PIEZO2: variants seen among roughly 807,000 people sequenced by gnomAD.
PIEZO2 encodes piezo-type mechanosensitive ion channel component 2.
PIEZO2 carries 172 observed loss-of-function variants against 337.3 expected under a neutral mutation model. That is an observed-to-expected ratio of 0.51 (90% CI 0.45 to 0.58). PIEZO2 has a LOEUF of 0.58. Among genes scored for constraint, PIEZO2 ranks in the 20% least tolerant of loss-of-function variants. The probability of loss-of-function intolerance (pLI) is 0.00; values close to 1 mark genes in which losing one functional copy is unlikely to be tolerated. For missense variants in PIEZO2, 3,028 were observed against 3,391.3 expected, an observed-to-expected ratio of 0.89 and a Z score of 2.66; for synonymous variants, 1,251 against 1,228.5, an observed-to-expected ratio of 1.02 and a Z score of -0.38.
chr18:11,086,890 G>T (rs562094178), intron 1 of PIEZO2, among the ~76,000 whole-genome samples: 1 of 152,248 alleles, frequency 6.6e-6, no homozygotes, highest in African/African-American at 2.4e-5. Context: ...GTATGTTTTA[G>T]ATTAAAATGA....
At chr18:10,737,285 G>GAAAAAAAAAACA (rs1555634848) in intron 33 of PIEZO2, among the ~76,000 whole-genome samples, 3 of 64,224 alleles carry the variant, frequency 4.7e-5, no homozygotes, top group African/African-American at 2.7e-4. Flanking sequence ...CAAGACATTT[G>GAAAAAAAAAACA]AAAAAAAAAA....
At position 11,126,805 on chromosome 18, in the gene PIEZO2, GC is replaced by G. The variant is rs2040195765; in HGVS notation, c.64+21719del. Among the ~76,000 whole-genome samples the G allele has an allele frequency of 1.3e-5, 2 of 151,140 alleles. No homozygotes were observed. Among genetic ancestry groups the G allele is most frequent in the African/African-American group, 4.9e-5 (2 of 41,094 alleles). ...AGTACATTACTATTTTTTTTTTAAA[GC>G]CCCAGTGACCCTATGAGGTAGTTAC... On this transcript the variant is annotated intron_variant, in intron 1 of 55. Transcript: ENST00000674853. This position sits in a 1 kb window ranked among gnomAD's most constrained non-coding sequence, Gnocchi z 4.6.
intron 2 of PIEZO2, among the ~76,000 whole-genome samples, chr18:11,050,428 T>A (rs376310764): frequency 1.3e-5 from 2 of 152,088 alleles, no homozygotes; most frequent in Admixed American, 1.3e-4. Context: ...CCTCTTCAAA[T>A]GGGGCATCGT....
At chr18:10,786,258 T>C (rs1426071982) in intron 16 of PIEZO2, among the ~76,000 whole-genome samples, 1 of 152,264 alleles carries the variant, frequency 6.6e-6, no homozygotes, top group East Asian at 1.9e-4. Flanking sequence ...TAAATAGTTT[T>C]GTTTGTCTCC....
chr18:10,744,209 T>C lies in PIEZO2; in HGVS notation c.4447A>G (p.Thr1483Ala). Residue 1483 changes from threonine (T) to alanine (A), a missense_variant, in exon 31 of 56, where the codon ACA becomes GCA. By Grantham distance (58) the Thr-to-Ala change is moderately conservative. This residue lies in a region of PIEZO2 where 1,925 missense variants were observed against 2,051.9 expected (regional missense o/e 0.94). Transcript: ENST00000674853. Reference protein sequence around the residue: ...ASRGAELFQATIVKAVKARIE... With the variant: ...ASRGAELFQAAIVKAVKARIE... ...CTTGCCTTTACAGCTTTTACAATTG[T>C]GGCCTGGAAAAGTTCAGCTCCTCTA... The C allele has an allele frequency of 1.3e-6, 2 of 1,536,732 alleles. No homozygotes were observed. Among genetic ancestry groups the C allele is most frequent in the East Asian group, 2.4e-5 (1 of 40,914 alleles).
chr18:10,765,942 A>C (rs1489113930), intron 21 of PIEZO2, among the ~76,000 whole-genome samples: 1 of 152,138 alleles, frequency 6.6e-6, no homozygotes, highest in Non-Finnish European at 1.5e-5. Context: ...GGAGAGCTTC[A>C]ATGACAAGGA....
intron 8 of PIEZO2, among the ~76,000 whole-genome samples, chr18:10,804,523 C>T (rs1335644448): frequency 1.3e-5 from 2 of 152,156 alleles, no homozygotes; most frequent in Non-Finnish European, 2.9e-5. Context: ...CGCTTCGGTG[C>T]CTTAGCATGT....
intron 4 of PIEZO2, among the ~76,000 whole-genome samples, chr18:10,883,203 T>C (rs1032842726): frequency 2.4e-4 from 36 of 152,198 alleles, no homozygotes; most frequent in Admixed American, 2.3e-3. Flanking sequence ...ATCTTGGCTA[T>C]TGTATATAGT....
rs908805686 is a variant in PIEZO2 at position 10,773,809 on chromosome 18, C to T, written c.2568-180G>A. On this transcript the variant is annotated intron_variant, in intron 19 of 55. Transcript: ENST00000674853. This position sits in a 1 kb window ranked among gnomAD's most constrained non-coding sequence, Gnocchi z 5.3. ...TTGGTTTGTTTGTTTTAAGTTCTTT[C>T]TAAAAACAAACTGTAAACTTGGTTA... 3.9e-5 allele frequency among the ~76,000 whole-genome samples: 6 copies of T among 152,202 alleles called. No homozygotes were observed. Among genetic ancestry groups the T allele is most frequent in the Non-Finnish European group, 5.9e-5 (4 of 68,038 alleles).
intron 1 of PIEZO2, among the ~76,000 whole-genome samples, chr18:11,136,377 C>G (rs929128595): frequency 6.6e-6 from 1 of 152,196 alleles, no homozygotes; most frequent in Non-Finnish European, 1.5e-5. Context: ...GAAACAAAGC[C>G]CATTTTATGA....
intron 39 of PIEZO2, among the ~76,000 whole-genome samples, chr18:10,712,059 T>C (rs551089847): frequency 1.2e-4 from 19 of 152,348 alleles, no homozygotes; most frequent in East Asian, 1.9e-4. Context: ...CATCCTATCA[T>C]TCTCTTGGTT....
chr18:10,959,500 TTA>T (rs1163216400), intron 3 of PIEZO2, among the ~76,000 whole-genome samples: 3 of 152,178 alleles, frequency 2.0e-5, no homozygotes, highest in African/African-American at 7.2e-5. Flanking sequence ...ATGAGATGTC[TTA>T]TAACACATTC....
chr18:11,046,296 A>G (rs988721517), intron 2 of PIEZO2, among the ~76,000 whole-genome samples: 22 of 152,354 alleles, frequency 1.4e-4, no homozygotes, highest in East Asian at 1.3e-3. Flanking sequence ...ATGCAGCCCA[A>G]TCAGCACCTT....
chr18:10,791,065 G>A, intron 14 of PIEZO2, 136 bp downstream of exon 14: 2 of 1,038,028 alleles, frequency 1.9e-6, no homozygotes, highest in Non-Finnish European at 1.3e-6. Context: ...GTCACACGCT[G>A]TAATAACGTT....
intron 2 of PIEZO2, among the ~76,000 whole-genome samples, chr18:11,052,758 A>G (rs1414989116): frequency 6.6e-6 from 1 of 152,192 alleles, no homozygotes; most frequent in East Asian, 1.9e-4. Context: ...TATTTGGTGA[A>G]AGAAATAATT....
In PIEZO2 at chr18:10,773,905, G is replaced by T; in HGVS notation, c.2567+101C>A. ...ATGAGAGCTATCAACACCTAAACTT[G>T]ACATTTTTCCCAGAGGAGAAAATGG... On this transcript the variant is annotated intron_variant, in intron 19 of 55. Transcript: ENST00000674853. The surrounding 1 kb of genome is among the most constrained non-coding windows in gnomAD (Gnocchi z 5.3). The T allele has an allele frequency of 1.5e-6, 1 of 665,216 alleles. No homozygotes were observed. Among genetic ancestry groups the T allele is most frequent in the South Asian group, 1.7e-5 (1 of 60,376 alleles). The allele number at this position is 665,216 out of a possible 1,614,324, so 41.2% of individuals were successfully genotyped here.
chr18:10,981,545 T>C (rs897789608), intron 2 of PIEZO2, among the ~76,000 whole-genome samples: 1 of 152,190 alleles, frequency 6.6e-6, no homozygotes, highest in Non-Finnish European at 1.5e-5. Context: ...ATAATACTCA[T>C]GGCTGACTAA....
intron 2 of PIEZO2, among the ~76,000 whole-genome samples, chr18:11,063,434 T>TA (rs5823133): frequency 1.3e-5 from 2 of 151,562 alleles, no homozygotes; most frequent in Non-Finnish European, 2.9e-5. Context: ...AGTATAATAA[T>TA]AAAAAAAAAG....
Position 11,094,342 on chromosome 18 carries a change from T to A in PIEZO2, c.65-28120A>T, listed in dbSNP as rs970969843. Among the ~76,000 whole-genome samples, 2 of 152,138 alleles carry A rather than the reference T, an allele frequency of 1.3e-5. No individual in the cohort carries two copies. Among genetic ancestry groups the A allele is most frequent in the Non-Finnish European group, 2.9e-5 (2 of 68,022 alleles). ...CTGAGGCGAAGTGATTTTCTCAATGTCACACAGAGAAAAAGTAGTTTCAGT... is the reference window on the plus strand; with the variant it reads ...CTGAGGCGAAGTGATTTTCTCAATGACACACAGAGAAAAAGTAGTTTCAGT... On this transcript the variant is annotated intron_variant, in intron 1 of 55. Transcript: ENST00000674853. This position sits in a 1 kb window ranked among gnomAD's most constrained non-coding sequence, Gnocchi z 4.4.
Sources: allele counts gnomAD v4.1 joint callset (sites outside exome capture counted in the v4.1 genomes callset), GRCh38; gene constraint gnomAD v4.1.1; regional missense constraint gnomAD v4.1.1; non-coding constraint Gnocchi (gnomAD v3.1); transcripts MANE v1.5; gene names NCBI Gene and HGNC (gene_info 2026-07-23, HGNC 2026-07-21).